CD86: variants seen among roughly 807,000 people sequenced by gnomAD.
CD86 encodes T-lymphocyte activation antigen CD86.
Under a neutral mutation model 32.1 loss-of-function variants are expected in CD86, and 11 were observed. The observed-to-expected ratio is 0.34, with a 90% CI of 0.22 to 0.57. The LOEUF (loss-of-function observed/expected upper bound fraction) is 0.57, where lower values mean the gene tolerates loss of function less well. Among genes scored for constraint, CD86 ranks in the 20% least tolerant of loss-of-function variants. The pLI, the probability that CD86 is intolerant of heterozygous loss-of-function variation, is 0.86. For missense variants in CD86, 359 were observed against 398.4 expected, an observed-to-expected ratio of 0.90 and a Z score of 0.84; for synonymous variants, 137 against 135.3, an observed-to-expected ratio of 1.01 and a Z score of -0.09.
intron 5 of CD86, among the ~76,000 whole-genome samples, chr3:122,115,171 C>T: frequency 6.6e-6 from 1 of 152,050 alleles, no homozygotes; most frequent in Non-Finnish European, 1.5e-5. Flanking sequence ...AGCAAAGACA[C>T]AGGATACAAA....
At chr3:122,068,681 T>C (rs1407725903) in intron 1 of CD86, among the ~76,000 whole-genome samples, 1 of 152,258 alleles carries the variant, frequency 6.6e-6, no homozygotes, top group Non-Finnish European at 1.5e-5. Flanking sequence ...TGTGCTGCTG[T>C]ATATATTTCA....
At chr3:122,074,288 T>G (rs1392426301) in intron 1 of CD86, among the ~76,000 whole-genome samples, 1 of 152,162 alleles carries the variant, frequency 6.6e-6, no homozygotes, top group African/African-American at 2.4e-5. Flanking sequence ...TGCCCTCCCT[T>G]CTTCTTGCAC....
At chr3:122,102,120 C>T (rs1173837493) in intron 2 of CD86, among the ~76,000 whole-genome samples, 1 of 152,242 alleles carries the variant, frequency 6.6e-6, no homozygotes, top group East Asian at 1.9e-4. Flanking sequence ...TTGACAAGTG[C>T]ATGTCACTGT....
chr3:122,099,005 C>G (rs140251271), intron 2 of CD86, among the ~76,000 whole-genome samples: 2 of 152,242 alleles, frequency 1.3e-5, no homozygotes, highest in African/African-American at 4.8e-5. Flanking sequence ...ATCTGAAACT[C>G]TAGTGAAAGT....
In CD86 at chr3:122,079,696, G is replaced by A. The variant is rs372154734; in HGVS notation, c.15-11905G>A. Among the ~76,000 whole-genome samples, 4 of 152,260 alleles carry A rather than the reference G, an allele frequency of 2.6e-5. No homozygotes were observed. The East Asian group carries it at 7.7e-4, about 29-fold the overall frequency. ...CAGTGCTGTTTCCGAACTGTACATTGGCTTACACTCGGGCTGAGGTTTGGG... is the reference window on the plus strand; with the variant it reads ...CAGTGCTGTTTCCGAACTGTACATTAGCTTACACTCGGGCTGAGGTTTGGG... On this transcript the variant is annotated intron_variant, in intron 1 of 6. Coordinates refer to ENST00000330540, the MANE Select transcript of CD86 (RefSeq NM_175862.5).
chr3:122,102,052 A>T (rs1291148823), intron 2 of CD86, among the ~76,000 whole-genome samples: 1 of 151,994 alleles, frequency 6.6e-6, no homozygotes, highest in Admixed American at 6.6e-5. Context: ...AGAGTTCAAG[A>T]CCACCACCAA....
intron 1 of CD86, among the ~76,000 whole-genome samples, chr3:122,065,537 T>C (rs1431353046): frequency 6.6e-6 from 1 of 152,228 alleles, no homozygotes; most frequent in East Asian, 1.9e-4. Flanking sequence ...TGGTAACAAC[T>C]GGTGAATCTG....
chr3:122,059,517 CAG>C (rs1386391346), intron 1 of CD86, among the ~76,000 whole-genome samples: 13 of 141,384 alleles, frequency 9.2e-5, no homozygotes, highest in African/African-American at 3.2e-4. Context: ...GCCTGGGTGA[CAG>C]AGTGAGACTC....
chr3:122,066,424 C>T (rs2072414198), intron 1 of CD86, among the ~76,000 whole-genome samples: 1 of 152,144 alleles, frequency 6.6e-6, no homozygotes, highest in African/African-American at 2.4e-5. Flanking sequence ...GGGACACTGA[C>T]ATCTCTCCAG....
chr3:122,055,826 C>T (rs1033191010), intron 1 of CD86, among the ~76,000 whole-genome samples: 2 of 151,856 alleles, frequency 1.3e-5, no homozygotes, highest in African/African-American at 4.8e-5. Context: ...TGACAAATAA[C>T]AGGGAATATG....
chr3:122,107,176 G>A (rs2073105571), intron 4 of CD86, among the ~76,000 whole-genome samples: 2 of 152,194 alleles, frequency 1.3e-5, no homozygotes, highest in Non-Finnish European at 2.9e-5. Flanking sequence ...GGTTCCTAAA[G>A]GAAGGGGTAC....
chr3:122,077,927 C>T, intron 1 of CD86: 1 of 985,492 alleles, frequency 1.0e-6, no homozygotes, highest in Non-Finnish European at 1.2e-6. Flanking sequence ...GTACGGGGAG[C>T]TCGCAAATAC....
At chr3:122,068,179 C>G (rs952452542) in intron 1 of CD86, among the ~76,000 whole-genome samples, 4 of 152,006 alleles carry the variant, frequency 2.6e-5, no homozygotes, top group Admixed American at 6.6e-5. Flanking sequence ...GTTCTATATA[C>G]CCCAATCTAT....
chr3:122,103,618 G>T lies in CD86; in HGVS notation c.171G>T (p.Trp57Cys). The T allele has an allele frequency of 6.2e-7, 1 of 1,613,938 alleles. No homozygotes were observed. The highest frequency in any genetic ancestry group is 8.5e-7 in the Non-Finnish European group (1 of 1,179,898). ...GCCTGAGTGAGCTAGTAGTATTTTG[G>T]CAGGACCAGGAAAACTTGGTTCTGA... is the stretch of plus-strand genomic sequence containing the variant. ...NQSLSELVVF[W>C]QDQENLVLNE... Residue 57 changes from tryptophan to cysteine, a missense_variant, in exon 3 of 7, where the codon TGG (tryptophan) becomes TGT (cysteine). By Grantham distance (215) the Trp-to-Cys change is radical. Transcript: ENST00000330540.
chr3:122,072,791 A>T (rs2072506353), intron 1 of CD86, among the ~76,000 whole-genome samples: 1 of 152,162 alleles, frequency 6.6e-6, no homozygotes, highest in Non-Finnish European at 1.5e-5. Context: ...TGTTTTAGAC[A>T]TGAAGTCCTT....
chr3:122,118,853 G>A (rs554191757), intron 6 of CD86, among the ~76,000 whole-genome samples: 14 of 152,246 alleles, frequency 9.2e-5, no homozygotes, highest in South Asian at 2.1e-4. Flanking sequence ...ATAAAAGTTC[G>A]TGGTGATCAG....
chr3:122,104,825 G>A (rs1382754669), intron 3 of CD86, among the ~76,000 whole-genome samples: 1 of 152,130 alleles, frequency 6.6e-6, no homozygotes, highest in African/African-American at 2.4e-5. Context: ...ATTCAACTCA[G>A]TAAAAGACAT....
intron 2 of CD86, among the ~76,000 whole-genome samples, chr3:122,093,938 C>T (rs1423387467): frequency 1.3e-5 from 2 of 152,240 alleles, no homozygotes; most frequent in Admixed American, 6.5e-5. Flanking sequence ...CTTGACTCTT[C>T]TCCTAACTCT....
intron 2 of CD86, among the ~76,000 whole-genome samples, chr3:122,101,289 G>A (rs2072995143): frequency 6.6e-6 from 1 of 151,796 alleles, no homozygotes; most frequent in South Asian, 2.1e-4. Context: ...CAGAGATTCC[G>A]TGTTTCAGAC....
Sources: allele counts gnomAD v4.1 joint callset (sites outside exome capture counted in the v4.1 genomes callset), GRCh38; gene constraint gnomAD v4.1.1; transcripts MANE v1.5; gene names NCBI Gene and HGNC (gene_info 2026-07-23, HGNC 2026-07-21).